The following CKB variants were observed in gnomAD, a reference collection of about 807,000 sequenced individuals.
CKB encodes the protein creatine kinase B-type.
A neutral mutation model predicts 36.9 loss-of-function variants in CKB; 15 were observed. That is an observed-to-expected ratio of 0.41 (90% CI 0.27 to 0.63). The LOEUF (loss-of-function observed/expected upper bound fraction) is 0.63. Ranked by LOEUF, CKB falls within the 20% of genes least tolerant of loss-of-function variation. CKB has a pLI of 0.34. For missense variants in CKB, 413 were observed against 534.9 expected (o/e 0.77, Z 2.25); for synonymous variants, 250 against 228.2 (o/e 1.10, Z -0.86).
Position 103,522,611 on chromosome 14 carries a change from C to T in CKB, c.-12-106G>A, listed in dbSNP as rs567152937. On this transcript the variant is annotated intron_variant, in intron 1 of 7. Coordinates refer to ENST00000348956, the MANE Select transcript of CKB (RefSeq NM_001823.5). The surrounding 1 kb of genome is among the most constrained non-coding windows in gnomAD (Gnocchi z 6.7). ...GGGCCCCCCGGCGCCCCCCGGGACG[C>T]GGCCAAGGTCAGCGGGGTCCGCAGC... 125 of 808,688 alleles carry T rather than the reference C, an allele frequency of 1.5e-4. 1 individual carries two copies. In the African/African-American group the frequency reaches 1.8e-3, roughly 11 times the overall value. 50.1% of individuals were successfully genotyped at this position (808,688 alleles called of 1,614,324 possible). A position where few individuals can be genotyped will look rare whatever the true frequency, so the allele number is the denominator to read the frequency against.
chr14:103,521,176 G>A (rs1024113733), intron 5 of CKB, 87 bp downstream of exon 5: 5 of 1,478,152 alleles, frequency 3.4e-6, no homozygotes, highest in Admixed American at 4.1e-5. Context: ...TCGCCGCGAG[G>A]GGCCCCACCC....
At chr14:103,520,740 C>CA in intron 5 of CKB, 148 bp from the exon 6 acceptor site, 3 of 1,183,168 alleles carry the variant, frequency 2.5e-6, no homozygotes, top group Non-Finnish European at 3.5e-6. Context: ...CAACACGGGG[C>CA]GGGCGGGGGA....
Position 103,521,888 on chromosome 14 carries a change from G to A in CKB, c.411C>T (p.Ile137=). 3 of 1,570,858 alleles carry A rather than the reference G, an allele frequency of 1.9e-6. No individual in the cohort carries two copies. Among genetic ancestry groups the A allele is most frequent in the Admixed American group, 1.8e-5 (1 of 56,148 alleles). The change falls in exon 4 of 8, where the codon ATC becomes ATT. Residue 137 remains isoleucine (I), a synonymous_variant. Coordinates refer to ENST00000348956, the MANE Select transcript of CKB (RefSeq NM_001823.5). ...AGTGCGGGGGGAGGCAGAAGCCACG[G>A]ATGCTGCGGCCCGTGCGCACCCGCG... is the stretch of plus-strand genomic sequence containing the variant. ...LSSRVRTGRS[I]RGFCLPPHCS...
intron 4 of CKB, 44 bp downstream of exon 4, chr14:103,521,774 G>C (rs2075903013): frequency 1.5e-6 from 2 of 1,349,158 alleles, no homozygotes; most frequent in Non-Finnish European, 1.9e-6. Context: ...CGCGCCGGGA[G>C]GGGGACGCGG....
Position 103,521,752 on chromosome 14 carries a change from G to A in CKB, c.481+66C>T, listed in dbSNP as rs1595995689. The A allele has an allele frequency of 6.8e-6, 9 of 1,320,000 alleles. No individual in the cohort carries two copies. In the South Asian group the frequency reaches 1.6e-4, roughly 23 times the overall value. 81.8% of individuals were successfully genotyped at this position (1,320,000 alleles called of 1,614,324 possible). ...CCGCTCCCGGGCGACGTAAACAAAA[G>A]CGGGCGGGGACCGCGCCGGGAGGGG... On this transcript the variant is annotated intron_variant, in intron 4 of 7. Coordinates refer to ENST00000348956, the MANE Select transcript of CKB (RefSeq NM_001823.5).
Position 103,522,224 on chromosome 14 carries a change from C to T in CKB, c.194-47G>A. ...GGGGACAGTGACGTCACTGCCGGGC[C>T]CGAGCGCGCTGCTGAGGACCCTGCG... On this transcript the variant is annotated intron_variant, in intron 2 of 7. Transcript: ENST00000348956. This position sits in a 1 kb window ranked among gnomAD's most constrained non-coding sequence, Gnocchi z 6.7. 1.3e-6 allele frequency: 2 copies of T among 1,581,852 alleles called. No individual in the cohort carries two copies. Among genetic ancestry groups the T allele is most frequent in the Non-Finnish European group, 1.7e-6 (2 of 1,166,208 alleles).
In CKB at chr14:103,522,351, G is replaced by A; in HGVS notation, c.143C>T (p.Pro48Leu). ...GACGTCGTCCAGCGTGAAGCCGCTC[G>A]GCGTGCTCTTGGCGCGCAGCTCCGC... ...LYAELRAKSTPSGFTLDDVIQ... is the reference protein window; with the variant it reads ...LYAELRAKSTLSGFTLDDVIQ... The change falls in exon 2 of 8, where the codon CCG (proline) becomes CTG (leucine). Residue 48 changes from proline to leucine, a missense_variant. This residue lies in a region of CKB where 74 missense variants were observed against 70.6 expected (regional missense o/e 1.05). Transcript: ENST00000348956. This position sits in a 1 kb window ranked among gnomAD's most constrained non-coding sequence, Gnocchi z 6.7. The A allele has an allele frequency of 6.2e-7, 1 of 1,611,064 alleles. No individual in the cohort carries two copies. Among genetic ancestry groups the A allele is most frequent in the Non-Finnish European group, 8.5e-7 (1 of 1,179,244 alleles).
chr14:103,522,022 C>T lies in CKB; in HGVS notation c.348+1G>A. 1 of 1,549,166 alleles carries T rather than the reference C, an allele frequency of 6.5e-7. No individual in the cohort carries two copies. The highest frequency in any genetic ancestry group is 1.4e-5 in the African/African-American group (1 of 73,210). Reference sequence around the variant, plus strand: ...CGCCCGGCCCGCCCGCAGCCCCGCACCTGCAGGTTGTCGGGGTTGAGGTCG... The same window carrying T: ...CGCCCGGCCCGCCCGCAGCCCCGCATCTGCAGGTTGTCGGGGTTGAGGTCG... On this transcript the variant is annotated splice_donor_variant, in intron 3 of 7. Coordinates refer to ENST00000348956, the MANE Select transcript of CKB (RefSeq NM_001823.5). LOFTEE classifies it high-confidence loss of function. The surrounding 1 kb of genome is among the most constrained non-coding windows in gnomAD (Gnocchi z 6.7).
chr14:103,519,816 G>A lies in CKB; in HGVS notation c.*48C>T, dbSNP rs775219422. The A allele has an allele frequency of 2.6e-6, 4 of 1,556,450 alleles. No individual in the cohort carries two copies. The highest frequency in any genetic ancestry group is 3.5e-6 in the Non-Finnish European group (4 of 1,155,736). On this transcript the variant is annotated 3_prime_UTR_variant, in exon 8 of 8. Coordinates refer to ENST00000348956, the MANE Select transcript of CKB (RefSeq NM_001823.5). ...GGGGTGCATGGTGGGCACTGCCCAG[G>A]CAATAAGTTAGGAAGCAGCAGGGCT...
Position 103,521,915 on chromosome 14 carries a change from G to A in CKB, c.384C>T (p.Ser128=), listed in dbSNP as rs747114408. 182 of 1,580,420 alleles carry A rather than the reference G, an allele frequency of 1.2e-4. No individual in the cohort carries two copies. The highest frequency in any genetic ancestry group is 1.5e-4 in the Non-Finnish European group (177 of 1,171,638). The change falls in exon 4 of 8, where the codon AGC becomes AGT. Residue 128 remains serine, a synonymous_variant. Coordinates refer to ENST00000348956, the MANE Select transcript of CKB (RefSeq NM_001823.5). ...GDDLDPNYVL[S]SRVRTGRSIR... ...TGCTGCGGCCCGTGCGCACCCGCGAGCTCAGCACGTAGTTGGGGTCCAGGT... is the reference window on the plus strand; with the variant it reads ...TGCTGCGGCCCGTGCGCACCCGCGAACTCAGCACGTAGTTGGGGTCCAGGT...
chr14:103,522,570 T>G lies in CKB; in HGVS notation c.-12-65A>C. ...GGGTTCCCGGGCTCCCGCGTACCAC[T>G]CAGGCCCCCGCCGCCGGGCCCCCCG... On this transcript the variant is annotated intron_variant, in intron 1 of 7. Transcript: ENST00000348956. This position sits in a 1 kb window ranked among gnomAD's most constrained non-coding sequence, Gnocchi z 6.7. The G allele has an allele frequency of 2.8e-5, 10 of 360,724 alleles. No individual in the cohort carries two copies. Among genetic ancestry groups the G allele is most frequent in the Middle Eastern group, 1.0e-3 (1 of 988 alleles). 22.3% of individuals were successfully genotyped at this position (360,724 alleles called of 1,614,324 possible).
chr14:103,520,261 G>A lies in CKB; in HGVS notation c.828C>T (p.His276=), dbSNP rs1314096469. 9.3e-6 allele frequency: 15 copies of A among 1,613,382 alleles called. No individual in the cohort carries two copies. The highest frequency in any genetic ancestry group is 1.2e-5 in the Non-Finnish European group (14 of 1,179,966). The part of the protein sequence containing the change: ...SKDYEFMWNP[H]LGYILTCPSN... ...ATGGGCAGGTGAGGATGTAGCCCAG[G>A]TGAGGGTTCCACATGAACTCATAGT... Residue 276 remains histidine, a synonymous_variant, in exon 7 of 8, where the codon CAC becomes CAT. Coordinates refer to ENST00000348956, the MANE Select transcript of CKB (RefSeq NM_001823.5).
chr14:103,520,808 T>G, intron 5 of CKB: 2 of 639,600 alleles, frequency 3.1e-6, no homozygotes, highest in East Asian at 3.3e-5. Context: ...TGGCCTGAGG[T>G]GGGGCGGGGC....
Position 103,519,763 on chromosome 14 carries a change from C to A in CKB, c.*101G>T. 1 of 1,384,308 alleles carries A rather than the reference C, an allele frequency of 7.2e-7. No individual in the cohort carries two copies. The highest frequency in any genetic ancestry group is 1.4e-5 in the South Asian group (1 of 72,272). 85.8% of individuals were successfully genotyped at this position (1,384,308 alleles called of 1,614,324 possible). A position where few individuals can be genotyped will look rare whatever the true frequency, so the allele number is the denominator to read the frequency against. ...GGTGACGGAAGTCTCTACAGCAAGGCTAAGGGCTCGCCAGACGGCGAACAT... is the reference window on the plus strand; with the variant it reads ...GGTGACGGAAGTCTCTACAGCAAGGATAAGGGCTCGCCAGACGGCGAACAT... On this transcript the variant is annotated 3_prime_UTR_variant, in exon 8 of 8. Coordinates refer to ENST00000348956, the MANE Select transcript of CKB (RefSeq NM_001823.5).
At position 103,520,029 on chromosome 14, in the gene CKB, C is replaced by T. The variant is rs777709278; in HGVS notation, c.981G>A (p.Thr327=). The T allele has an allele frequency of 8.7e-6, 14 of 1,610,176 alleles. No homozygotes were observed. Among genetic ancestry groups the T allele is most frequent in the Admixed American group, 1.7e-5 (1 of 59,988 alleles). Residue 327 remains threonine (T), a synonymous_variant, in exon 8 of 8, where the codon ACG becomes ACA. Coordinates refer to ENST00000348956, the MANE Select transcript of CKB (RefSeq NM_001823.5). The stretch of plus-strand genomic sequence containing the variant: ...CGTCGAAGACCCCGCCCACCGCAGC[C>T]GTGTCCACACCGCCTGGGGAGACAG... ...LQKRGTGGVD[T]AAVGGVFDVS...
chr14:103,520,945 A>T, intron 5 of CKB: 1 of 532,982 alleles, frequency 1.9e-6, no homozygotes, highest in Non-Finnish European at 3.4e-6. Context: ...AAGAAAACAA[A>T]GAGCTCCAGC....
chr14:103,519,995 C>T lies in CKB; in HGVS notation c.1015G>A (p.Ala339Thr), dbSNP rs2075888510. 1 of 1,610,886 alleles carries T rather than the reference C, an allele frequency of 6.2e-7. No homozygotes were observed. Among genetic ancestry groups the T allele is most frequent in the Non-Finnish European group, 8.5e-7 (1 of 1,179,966 alleles). ...AVGGVFDVSN[A>T]DRLGFSEVEL... ...ACCTCTGAGAAGCCCAGGCGGTCAG[C>T]GTTGGAGACGTCGAAGACCCCGCCC... Residue 339 changes from alanine to threonine, a missense_variant, in exon 8 of 8, where the codon GCT (alanine) becomes ACT (threonine). Around this residue, in one of 3 missense-constraint regions of CKB, gnomAD observed 314 missense variants for 409.4 expected, o/e 0.77. Transcript: ENST00000348956.
Position 103,522,501 on chromosome 14 carries a change from G to C in CKB, c.-8C>G. ...GCTGTTGGAGAAGGGCATGGCGGCGGCGGGCTGCGGGGAGACGCGGGGTCA... is the reference window on the plus strand; with the variant it reads ...GCTGTTGGAGAAGGGCATGGCGGCGCCGGGCTGCGGGGAGACGCGGGGTCA... On this transcript the variant is annotated 5_prime_UTR_variant, in exon 2 of 8. Transcript: ENST00000348956. The surrounding 1 kb of genome is among the most constrained non-coding windows in gnomAD (Gnocchi z 6.7). 1 of 1,593,698 alleles carries C rather than the reference G, an allele frequency of 6.3e-7. No individual in the cohort carries two copies. The highest frequency in any genetic ancestry group is 8.5e-7 in the Non-Finnish European group (1 of 1,174,838).
In CKB at chr14:103,520,324, A is replaced by T; in HGVS notation, c.778-13T>A. The T allele has an allele frequency of 1.3e-6, 2 of 1,599,810 alleles. No homozygotes were observed. Among genetic ancestry groups the T allele is most frequent in the East Asian group, 2.2e-5 (1 of 44,632 alleles). On this transcript the variant is annotated splice_polypyrimidine_tract_variant and intron_variant, in intron 6 of 7. Transcript: ENST00000348956. ...AGAGAGTTTCAATCTGCAGACGGAG[A>T]AGAGGGTATGAGGGAGAAGGCCTGC... is the stretch of plus-strand genomic sequence containing the variant.
Sources: allele counts gnomAD v4.1 joint callset, GRCh38; gene constraint gnomAD v4.1.1; regional missense constraint gnomAD v4.1.1; non-coding constraint Gnocchi (gnomAD v3.1); transcripts MANE v1.5; gene names NCBI Gene and HGNC (gene_info 2026-07-23, HGNC 2026-07-21).